SYNE1: variants seen among roughly 807,000 people sequenced by gnomAD.
SYNE1 encodes the protein nesprin-1.
In SYNE1, 616 loss-of-function variants were observed where a neutral mutation model predicts 1,111.0. That is an observed-to-expected ratio of 0.55 (90% CI 0.52 to 0.59). SYNE1 has a LOEUF of 0.59. Among genes scored for constraint, SYNE1 ranks in the 20% least tolerant of loss-of-function variants. SYNE1 has a pLI of 0.00. For missense variants in SYNE1, 10,006 were observed against 10,417.0 expected (o/e 0.96, Z 1.72); for synonymous variants, 3,855 against 3,825.8 (o/e 1.01, Z -0.28).
intron 130 of SYNE1, among the ~76,000 whole-genome samples, chr6:152,169,980 G>T (rs2064772002): frequency 6.6e-6 from 1 of 151,802 alleles, no homozygotes. Context: ...GAAATATATT[G>T]GTTATGAATC....
Position 152,376,553 on chromosome 6 carries a change from C to T in SYNE1, c.9152G>A (p.Cys3051Tyr). 1.9e-6 allele frequency: 3 copies of T among 1,613,818 alleles called. No homozygotes were observed. The highest frequency in any genetic ancestry group is 2.7e-5 in the African/African-American group (2 of 74,996). The change falls in exon 58 of 146, where the codon TGT becomes TAT. Residue 3051 changes from cysteine to tyrosine, a missense_variant. By Grantham distance (194) the Cys-to-Tyr change is radical (BLOSUM62 -2). This residue lies in a region of SYNE1 where 4,955 missense variants were observed against 5,017.2 expected (regional missense o/e 0.99). Coordinates refer to ENST00000367255, the MANE Select transcript of SYNE1 (RefSeq NM_182961.4). ...CTGGCAGCCCTTGGATGCTTGCAAACAAAGACTGAAAAGGTGACGCAAAAA... is the reference window on the plus strand; with the variant it reads ...CTGGCAGCCCTTGGATGCTTGCAAATAAAGACTGAAAAGGTGACGCAAAAA... ...SGLIKEYNCL[C>Y]LQASKGCQNK...
intron 12 of SYNE1, among the ~76,000 whole-genome samples, chr6:152,485,816 G>A (rs749305419): frequency 3.9e-5 from 6 of 152,252 alleles, no homozygotes; most frequent in East Asian, 1.9e-4. Flanking sequence ...GTAAATTCAC[G>A]TGAAGAACAC....
chr6:152,519,076 A>G (rs2623949), intron 6 of SYNE1, among the ~76,000 whole-genome samples: 29,609 of 152,068 alleles, frequency 0.19, 3,094 homozygotes, highest in Middle Eastern at 0.32. Flanking sequence ...AACATGGCAC[A>G]TGTATACATA....
At position 152,280,008 on chromosome 6, in the gene SYNE1, C is replaced by T. The variant is rs555258894; in HGVS notation, c.18382-1728G>A. ...GGAATACATCACAACAAATCTATTC[C>T]GAATCATGTAAGTCTTTGTACCACA... is the stretch of plus-strand genomic sequence containing the variant. On this transcript the variant is annotated intron_variant, in intron 97 of 145. Coordinates refer to ENST00000367255, the MANE Select transcript of SYNE1 (RefSeq NM_182961.4). 5.0e-4 allele frequency among the ~76,000 whole-genome samples: 76 copies of T among 152,054 alleles called. 1 individual carries two copies. The highest frequency in any genetic ancestry group is 1.4e-3 in the African/African-American group (57 of 41,468).
At position 152,458,782 on chromosome 6, in the gene SYNE1, C is replaced by G. The variant is rs770713708; in HGVS notation, c.2543G>C (p.Ser848Thr). The G allele has an allele frequency of 3.1e-5, 50 of 1,614,026 alleles. No individual in the cohort carries two copies. The highest frequency in any genetic ancestry group is 3.3e-4 in the Middle Eastern group (2 of 6,060). Residue 848 changes from serine (S) to threonine (T), a missense_variant, in exon 22 of 146, where the codon AGT becomes ACT. Coordinates refer to ENST00000367255, the MANE Select transcript of SYNE1 (RefSeq NM_182961.4). Reference sequence around the variant, plus strand: ...CTGATGTTTTTGTTTAAAAAGGGCACTCGATTGTGCCTCACGCTCAAGAAC... The same window carrying G: ...CTGATGTTTTTGTTTAAAAAGGGCAGTCGATTGTGCCTCACGCTCAAGAAC... The part of the protein sequence containing the change: ...ITVLEREAQS[S>T]ALFKQKHQEL...
At chr6:152,510,041 T>C in intron 8 of SYNE1, 152 bp downstream of exon 8, 2 of 813,926 alleles carry the variant, frequency 2.5e-6, no homozygotes, top group Non-Finnish European at 2.1e-6. Context: ...TTTGTGTTTA[T>C]ATCTCAATTC....
intron 104 of SYNE1, among the ~76,000 whole-genome samples, chr6:152,251,439 C>T (rs938661992): frequency 6.6e-6 from 1 of 152,044 alleles, no homozygotes; most frequent in Non-Finnish European, 1.5e-5. Context: ...TGCTAGTAAT[C>T]ACATGGATAT....
At position 152,570,352 on chromosome 6, in the gene SYNE1, T is replaced by C. The variant is rs2099444516; in HGVS notation, c.68-30331A>G. Among the ~76,000 whole-genome samples the C allele has an allele frequency of 2.0e-5, 3 of 152,230 alleles. No homozygotes were observed. In the South Asian group the frequency reaches 6.2e-4, roughly 32 times the overall value. On this transcript the variant is annotated intron_variant, in intron 3 of 145. Coordinates refer to ENST00000367255, the MANE Select transcript of SYNE1 (RefSeq NM_182961.4). Reference sequence around the variant, plus strand: ...CCTATAAAACCATTACTATATCATATATAAAACTCATACTCTTCCTTCTCT... The same window carrying C: ...CCTATAAAACCATTACTATATCATACATAAAACTCATACTCTTCCTTCTCT...
chr6:152,362,236 G>T lies in SYNE1; in HGVS notation c.10233C>A (p.Asn3411Lys). ...CATGCTGCCTTTCTGATTCATTCAG[G>T]TTGGCTTCCATACTATCCATCCAAC... Reference protein sequence around the residue: ...FSGWMDSMEANLNESERQHAE... With the variant: ...FSGWMDSMEAKLNESERQHAE... Residue 3411 changes from asparagine to lysine, a missense_variant, in exon 64 of 146, where the codon AAC becomes AAA. Around this residue, in one of 7 missense-constraint regions of SYNE1, gnomAD observed 4,955 missense variants for 5,017.2 expected, o/e 0.99. Transcript: ENST00000367255. 1.2e-6 allele frequency: 2 copies of T among 1,614,210 alleles called. No homozygotes were observed. The highest frequency in any genetic ancestry group is 1.7e-6 in the Non-Finnish European group (2 of 1,180,044).
intron 3 of SYNE1, among the ~76,000 whole-genome samples, chr6:152,556,734 A>T (rs545342334): frequency 6.6e-6 from 1 of 152,226 alleles, no homozygotes; most frequent in East Asian, 1.9e-4. Flanking sequence ...CCTCCCAAGG[A>T]TTTCAGCAGC....
At position 152,444,528 on chromosome 6, in the gene SYNE1, T is replaced by C. The variant is rs2098558274; in HGVS notation, c.3720A>G (p.Ile1240Met). The part of the protein sequence containing the change: ...NFGDCVQYKE[I>M]VKNSLEELIS... ...TTAATTCTTCGAGAGAATTTTTGACTATTTCTTTGTACTGGACACAGTCCC... is the reference window on the plus strand; with the variant it reads ...TTAATTCTTCGAGAGAATTTTTGACCATTTCTTTGTACTGGACACAGTCCC... The change falls in exon 30 of 146, where the codon ATA becomes ATG. Residue 1240 changes from isoleucine (I) to methionine (M), a missense_variant. Ile to Met is a conservative substitution (Grantham distance 10, BLOSUM62 1). This residue lies in a region of SYNE1 where 1,971 missense variants were observed against 2,084.1 expected (regional missense o/e 0.95). Coordinates refer to ENST00000367255, the MANE Select transcript of SYNE1 (RefSeq NM_182961.4). 1.9e-6 allele frequency: 3 copies of C among 1,613,766 alleles called. No individual in the cohort carries two copies. The highest frequency in any genetic ancestry group is 2.5e-6 in the Non-Finnish European group (3 of 1,179,920).
At chr6:152,157,670 T>C (rs1372943070) in intron 131 of SYNE1, among the ~76,000 whole-genome samples, 2 of 152,058 alleles carry the variant, frequency 1.3e-5, no homozygotes, top group East Asian at 3.8e-4. Context: ...CAAAATATCA[T>C]ATGTGCCCCA....
chr6:152,321,986 A>G (rs2095878788), intron 82 of SYNE1, 100 bp from the exon 83 acceptor site: 1 of 1,336,442 alleles, frequency 7.5e-7, no homozygotes, highest in Non-Finnish European at 1.1e-6. Flanking sequence ...TGGGAAACCT[A>G]GTATCTTTTT....
chr6:152,266,995 CT>C (rs2092777048), intron 100 of SYNE1, among the ~76,000 whole-genome samples: 1 of 152,112 alleles, frequency 6.6e-6, no homozygotes, highest in Non-Finnish European at 1.5e-5. Flanking sequence ...CTACTTTCAA[CT>C]TTATATCACA....
intron 102 of SYNE1, among the ~76,000 whole-genome samples, chr6:152,256,108 A>G (rs1345294882): frequency 6.6e-6 from 1 of 151,116 alleles, no homozygotes; most frequent in Non-Finnish European, 1.5e-5. Context: ...AAAATAAAAT[A>G]AAATAAAATA....
At chr6:152,258,740 TTTC>T (rs1202073347) in intron 101 of SYNE1, among the ~76,000 whole-genome samples, 7 of 151,200 alleles carry the variant, frequency 4.6e-5, no homozygotes, top group East Asian at 2.0e-4. Context: ...TTTTTCTTTT[TTTC>T]TTCTTCTTTT....
At chr6:152,254,244 CTTTTTTTTT>C (rs773598537) in intron 104 of SYNE1, among the ~76,000 whole-genome samples, 2 of 73,144 alleles carry the variant, frequency 2.7e-5, no homozygotes, top group East Asian at 1.0e-3. Context: ...TCTGCATACT[CTTTTTTTTT>C]TTTTTTTTTT....
intron 25 of SYNE1, chr6:152,453,360 C>T: frequency 1.5e-6 from 1 of 651,852 alleles, no homozygotes; most frequent in Non-Finnish European, 2.6e-6. Context: ...AAAAAGAATG[C>T]TCGAGTAATA....
At chr6:152,260,637 G>A (rs902008959) in intron 101 of SYNE1, among the ~76,000 whole-genome samples, 1 of 151,526 alleles carries the variant, frequency 6.6e-6, no homozygotes, top group Non-Finnish European at 1.5e-5. Context: ...ATCCACAGAT[G>A]ACAGGACACC....
Sources: gnomAD v4.1 joint callset for allele counts (sites outside exome capture counted in the v4.1 genomes callset) on GRCh38, gnomAD v4.1.1 for gene constraint, gnomAD v4.1.1 regional missense constraint, MANE v1.5 for transcripts, NCBI Gene and HGNC (gene_info 2026-07-23, HGNC 2026-07-21) for gene names.